MTREX: variants seen among roughly 807,000 people sequenced by gnomAD.
MTREX encodes the protein exosome RNA helicase MTR4.
Under a neutral mutation model 135.4 loss-of-function variants are expected in MTREX, and 76 were observed. The ratio of observed to expected loss-of-function variants is 0.56; its 90% CI spans 0.47 to 0.68. MTREX has a LOEUF of 0.68. MTREX is among the 30% of genes least tolerant of loss of function. The pLI, the probability that MTREX is intolerant of heterozygous loss-of-function variation, is 0.00. For synonymous variants in MTREX, 404 were observed against 401.6 expected, an observed-to-expected ratio of 1.01 and a Z score of -0.07; for missense variants, 920 against 1,262.1, an observed-to-expected ratio of 0.73 and a Z score of 4.11.
intron 24 of MTREX, among the ~76,000 whole-genome samples, chr5:55,414,889 A>T (rs1750942633): frequency 6.6e-6 from 1 of 152,050 alleles, no homozygotes; most frequent in South Asian, 2.1e-4. Flanking sequence ...AGCTCATGTG[A>T]TCCTCCCACC....
chr5:55,372,944 T>TGTGTGTGTGTG (rs1162073352), intron 16 of MTREX, among the ~76,000 whole-genome samples: 1 of 76,782 alleles, frequency 1.3e-5, no homozygotes, highest in African/African-American at 4.8e-5. Flanking sequence ...GTGTGTGTGT[T>TGTGTGTGTGTG]TGTCTATGGT....
chr5:55,379,013 A>G lies in MTREX; in HGVS notation c.1984-114A>G, dbSNP rs1296942802. ...AATTTAGCAGTGCTCTTTCAAAGATATTTTATCAGAAAATTCAGAAAGCTT... is the reference window on the plus strand; with the variant it reads ...AATTTAGCAGTGCTCTTTCAAAGATGTTTTATCAGAAAATTCAGAAAGCTT... On this transcript the variant is annotated intron_variant, in intron 17 of 26. Transcript: ENST00000230640. 5.8e-6 allele frequency: 4 copies of G among 691,600 alleles called. No individual in the cohort carries two copies. In the African/African-American group the frequency reaches 7.2e-5, roughly 13 times the overall value. 42.8% of individuals were successfully genotyped at this position (691,600 alleles called of 1,614,324 possible).
At chr5:55,361,188 T>C (rs1263352617) in intron 15 of MTREX, among the ~76,000 whole-genome samples, 1 of 152,254 alleles carries the variant, frequency 6.6e-6, no homozygotes, top group Admixed American at 6.5e-5. Flanking sequence ...AAATAATTGA[T>C]CATTCTTAAG....
chr5:55,351,832 A>G (rs990243548), intron 13 of MTREX, among the ~76,000 whole-genome samples: 1 of 151,216 alleles, frequency 6.6e-6, no homozygotes, highest in Admixed American at 6.6e-5. Flanking sequence ...AAGTCTATAT[A>G]TGACTCATAC....
chr5:55,312,830 A>G (rs1215336116), intron 1 of MTREX, among the ~76,000 whole-genome samples: 3 of 152,226 alleles, frequency 2.0e-5, no homozygotes, highest in Admixed American at 6.5e-5. Flanking sequence ...ACAAGACATC[A>G]TAAGTCTTTG....
At chr5:55,334,355 A>G (rs4865602) in intron 5 of MTREX, among the ~76,000 whole-genome samples, 9,286 of 152,172 alleles carry the variant, frequency 0.061, 509 homozygotes, top group African/African-American at 0.13. Context: ...AGTAAACCTG[A>G]TGAAGTACCT....
At chr5:55,418,666 C>G (rs1369675756) in intron 25 of MTREX, among the ~76,000 whole-genome samples, 1 of 151,880 alleles carries the variant, frequency 6.6e-6, no homozygotes, top group African/African-American at 2.4e-5. Context: ...GAGCTTAAAC[C>G]TTTCTAAAAA....
At chr5:55,343,841 T>G (rs1048003024) in intron 8 of MTREX, among the ~76,000 whole-genome samples, 2 of 152,150 alleles carry the variant, frequency 1.3e-5, no homozygotes, top group African/African-American at 4.8e-5. Context: ...CTCTGGAGCA[T>G]TTGATTTGAT....
At chr5:55,312,915 C>G (rs1254140108) in intron 1 of MTREX, among the ~76,000 whole-genome samples, 1 of 152,128 alleles carries the variant, frequency 6.6e-6, no homozygotes, top group African/African-American at 2.4e-5. Context: ...AGCCACATCT[C>G]TAAGGAGTCT....
intron 16 of MTREX, among the ~76,000 whole-genome samples, chr5:55,369,749 C>T (rs756563439): frequency 2.6e-5 from 4 of 152,068 alleles, no homozygotes; most frequent in African/African-American, 9.7e-5. Flanking sequence ...AAAATATAAC[C>T]GAAGTCAAGT....
At chr5:55,421,198 T>C (rs1360235877) in intron 25 of MTREX, among the ~76,000 whole-genome samples, 1 of 152,196 alleles carries the variant, frequency 6.6e-6, no homozygotes. Context: ...CTTATAAAGG[T>C]GGGTGTAAGA....
chr5:55,398,929 A>C (rs1277922665), intron 20 of MTREX, among the ~76,000 whole-genome samples: 1 of 152,166 alleles, frequency 6.6e-6, no homozygotes, highest in Non-Finnish European at 1.5e-5. Flanking sequence ...GTGAGAAGCC[A>C]CAGGAGGAAG....
intron 25 of MTREX, among the ~76,000 whole-genome samples, chr5:55,419,724 GCTT>G (rs1275614233): frequency 3.3e-5 from 5 of 152,172 alleles, no homozygotes; most frequent in African/African-American, 1.2e-4. Flanking sequence ...CATTAGGAAA[GCTT>G]CTATGATGAA....
chr5:55,410,116 A>G (rs947271387), intron 22 of MTREX, among the ~76,000 whole-genome samples: 6 of 152,180 alleles, frequency 3.9e-5, no homozygotes, highest in Non-Finnish European at 8.8e-5. Context: ...TCTTATGAGT[A>G]CATTCTAATT....
At chr5:55,422,425 T>A (rs765598464) in intron 25 of MTREX, among the ~76,000 whole-genome samples, 1 of 151,960 alleles carries the variant, frequency 6.6e-6, no homozygotes, top group Non-Finnish European at 1.5e-5. Context: ...TTGCATTCTA[T>A]GAGATGGTAT....
At chr5:55,360,777 G>A (rs991191686) in intron 15 of MTREX, among the ~76,000 whole-genome samples, 1 of 151,890 alleles carries the variant, frequency 6.6e-6, no homozygotes, top group Admixed American at 6.6e-5. Flanking sequence ...TTTTCCTCTA[G>A]GTTTTTTTCC....
At chr5:55,339,411 G>T (rs1324579941) in intron 5 of MTREX, among the ~76,000 whole-genome samples, 2 of 152,116 alleles carry the variant, frequency 1.3e-5, no homozygotes, top group African/African-American at 4.8e-5. Context: ...CTGGGCAGGA[G>T]CTGAATCTTA....
chr5:55,414,256 T>A lies in MTREX; in HGVS notation c.2808+18T>A, dbSNP rs2111619642. 6.4e-7 allele frequency: 1 copy of A among 1,558,580 alleles called. No individual in the cohort carries two copies. Among genetic ancestry groups the A allele is most frequent in the South Asian group, 1.2e-5 (1 of 81,110 alleles). On this transcript the variant is annotated intron_variant, in intron 24 of 26. Transcript: ENST00000230640. ...AAATGCAGGTAAGGTTTTTTTTTTT[T>A]TTTTTTGAACTACATATTTTATGAA...
At chr5:55,325,329 G>T (rs575378817) in intron 3 of MTREX, among the ~76,000 whole-genome samples, 2,005 of 129,044 alleles carry the variant, frequency 0.016, 42 homozygotes, top group African/African-American at 0.054. Flanking sequence ...TTTTGGGGGG[G>T]TTTTTTTTTG....
Sources: gnomAD v4.1 joint callset for allele counts (sites outside exome capture counted in the v4.1 genomes callset) on GRCh38, gnomAD v4.1.1 for gene constraint, MANE v1.5 for transcripts, NCBI Gene and HGNC (gene_info 2026-07-23, HGNC 2026-07-21) for gene names.